CENPW: variants seen among roughly 807,000 people sequenced by gnomAD.
The protein encoded by CENPW is cancer-up-regulated gene 2 protein.
A neutral mutation model predicts 11.1 loss-of-function variants in CENPW; 3 were observed. The ratio of observed to expected loss-of-function variants is 0.27; its 90% CI spans 0.12 to 0.70. The LOEUF (loss-of-function observed/expected upper bound fraction) is 0.70. CENPW is among the 30% of genes least tolerant of loss of function. The pLI is 0.77. For synonymous variants in CENPW, 38 were observed against 42.0 expected (o/e 0.91, Z 0.37); for missense variants, 100 against 105.6 (o/e 0.95, Z 0.23).
At chr6:126,479,445 C>A in the CENPW span, among the ~76,000 whole-genome samples, 79 of 152,030 alleles carry the variant, frequency 5.2e-4, no homozygotes, top group African/African-American at 1.9e-3. Flanking sequence ...TCAAATTCCC[C>A]CTCCCAGCAG....
At chr6:126,385,892 G>A in the CENPW span, among the ~76,000 whole-genome samples, 9 of 152,192 alleles carry the variant, frequency 5.9e-5, no homozygotes, top group Non-Finnish European at 1.0e-4. Context: ...GTTCTTTATA[G>A]CAATATGAAA....
At chr6:126,418,537 A>G in the CENPW span, among the ~76,000 whole-genome samples, 1 of 152,108 alleles carries the variant, frequency 6.6e-6, no homozygotes, top group Non-Finnish European at 1.5e-5. Flanking sequence ...GGGAAGTGAA[A>G]TTATTCTTTA....
chr6:126,394,619 A>G, the CENPW span, among the ~76,000 whole-genome samples: 1 of 152,074 alleles, frequency 6.6e-6, no homozygotes, highest in Non-Finnish European at 1.5e-5. Context: ...ACTTCCTATT[A>G]CCAGTGAGTT....
the CENPW span, among the ~76,000 whole-genome samples, chr6:126,358,812 A>C: frequency 9.9e-5 from 15 of 152,270 alleles, no homozygotes; most frequent in African/African-American, 3.6e-4. Context: ...CAGGAAGAAC[A>C]TGAAACCCTG....
At chr6:126,403,397 A>C in the CENPW span, among the ~76,000 whole-genome samples, 2 of 152,144 alleles carry the variant, frequency 1.3e-5, no homozygotes, top group Non-Finnish European at 2.9e-5. Flanking sequence ...ATGCAAAGGA[A>C]AAGTTCTTAA....
chr6:126,463,364 A>G, the CENPW span, among the ~76,000 whole-genome samples: 2 of 152,108 alleles, frequency 1.3e-5, no homozygotes, highest in Admixed American at 1.3e-4. Context: ...TAAGAATGAG[A>G]TAAGCCATCT....
the CENPW span, among the ~76,000 whole-genome samples, chr6:126,360,164 T>G: frequency 2.0e-5 from 3 of 152,220 alleles, no homozygotes; most frequent in African/African-American, 7.2e-5. Context: ...AAGGATTTTA[T>G]TTTTCCTTTG....
the CENPW span, among the ~76,000 whole-genome samples, chr6:126,409,729 C>A: frequency 6.6e-6 from 1 of 152,072 alleles, no homozygotes; most frequent in East Asian, 1.9e-4. Context: ...ATAGTAGCTA[C>A]ACTTGATTGC....
chr6:126,478,418 C>A, the CENPW span, among the ~76,000 whole-genome samples: 1 of 151,846 alleles, frequency 6.6e-6, no homozygotes, highest in Non-Finnish European at 1.5e-5. Context: ...TTATCTCTCT[C>A]TCTCTCTCTC....
the CENPW span, among the ~76,000 whole-genome samples, chr6:126,417,590 G>A: frequency 2.6e-4 from 40 of 152,260 alleles, no homozygotes; most frequent in Non-Finnish European, 3.4e-4. Context: ...TTATGATAGT[G>A]AATAAGTCTC....
chr6:126,477,791 T>TGGA, the CENPW span, among the ~76,000 whole-genome samples: 2 of 152,050 alleles, frequency 1.3e-5, no homozygotes, highest in African/African-American at 4.8e-5. Flanking sequence ...TCTTGCACAT[T>TGGA]ATTTTTGCTT....
At chr6:126,355,266 A>C in the CENPW span, among the ~76,000 whole-genome samples, 3 of 152,276 alleles carry the variant, frequency 2.0e-5, no homozygotes, top group African/African-American at 7.2e-5. Context: ...AATAGTTTTG[A>C]ATGTCTTTTT....
the CENPW span, among the ~76,000 whole-genome samples, chr6:126,459,938 C>T: frequency 2.6e-5 from 4 of 151,056 alleles, no homozygotes; most frequent in African/African-American, 9.7e-5. Flanking sequence ...TTAAGGAAAG[C>T]CTTTTTTCTT....
chr6:126,361,430 G>A, the CENPW span, among the ~76,000 whole-genome samples: 2 of 152,176 alleles, frequency 1.3e-5, no homozygotes, highest in African/African-American at 2.4e-5. Context: ...AGGGGAGCTG[G>A]GACTACAGGC....
chr6:126,367,092 C>G, the CENPW span, among the ~76,000 whole-genome samples: 1 of 152,056 alleles, frequency 6.6e-6, no homozygotes, highest in Non-Finnish European at 1.5e-5. Flanking sequence ...GAGTATTTTA[C>G]TATAGAATTT....
chr6:126,474,939 A>C, the CENPW span, among the ~76,000 whole-genome samples: 2 of 152,138 alleles, frequency 1.3e-5, no homozygotes, highest in Admixed American at 6.6e-5. Context: ...TGCTATGAAA[A>C]GAAAGGTTGT....
At chr6:126,418,543 C>CT in the CENPW span, among the ~76,000 whole-genome samples, 5 of 152,056 alleles carry the variant, frequency 3.3e-5, no homozygotes, top group Admixed American at 3.3e-4. Flanking sequence ...TGAAATTATT[C>CT]TTTATGATAC....
At chr6:126,394,824 T>C in the CENPW span, among the ~76,000 whole-genome samples, 3 of 151,982 alleles carry the variant, frequency 2.0e-5, no homozygotes. Context: ...AAACCAGATA[T>C]ACTATTCTAT....
chr6:126,440,377 A>G, the CENPW span, among the ~76,000 whole-genome samples: 4 of 151,668 alleles, frequency 2.6e-5, no homozygotes, highest in Non-Finnish European at 5.9e-5. Context: ...ATCTGACTCT[A>G]TTGTATTGCA....
Sources: gnomAD v4.1 joint callset for allele counts (sites outside exome capture counted in the v4.1 genomes callset) on GRCh38, gnomAD v4.1.1 for gene constraint, MANE v1.5 for transcripts, NCBI Gene and HGNC (gene_info 2026-07-23, HGNC 2026-07-21) for gene names.